Variants in SBNO1 observed in about 807,000 individuals in gnomAD.
The protein encoded by SBNO1 is strawberry notch homolog 1.
SBNO1 carries 23 observed loss-of-function variants against 173.6 expected under a neutral mutation model. The observed-to-expected ratio is 0.13, with a 90% confidence interval of 0.10 to 0.19. The LOEUF (loss-of-function observed/expected upper bound fraction) is 0.19. Among genes scored for constraint, SBNO1 ranks in the 10% least tolerant of loss-of-function variants. The pLI, the probability that SBNO1 is intolerant of heterozygous loss-of-function variation, is 1.00. For synonymous variants in SBNO1, 632 were observed against 571.5 expected (o/e 1.11, Z -1.51); for missense variants, 1,238 against 1,671.2 (o/e 0.74, Z 4.52).
At chr12:123,362,591 C>CCCCTTTCT (rs1593432747) in intron 1 of SBNO1, among the ~76,000 whole-genome samples, 1 of 150,846 alleles carries the variant, frequency 6.6e-6, no homozygotes, top group East Asian at 2.0e-4. Flanking sequence ...CATGGTGAAA[C>CCCCTTTCT]CCCTTTCTGC....
At position 123,321,675 on chromosome 12, in the gene SBNO1, C is replaced by T. The variant is rs143322432; in HGVS notation, c.2183G>A (p.Ser728Asn). The T allele has an allele frequency of 3.7e-6, 6 of 1,614,104 alleles. No individual in the cohort carries two copies. The highest frequency in any genetic ancestry group is 5.1e-6 in the Non-Finnish European group (6 of 1,179,996). The change falls in exon 17 of 32, where the codon AGC (serine) becomes AAC (asparagine). Residue 728 changes from serine to asparagine, a missense_variant. Ser to Asn is a conservative substitution (Grantham distance 46). Transcript: ENST00000602398. ...KARKVGGLTG[S>N]SSDDSGSESD... ...TTCACTTCCACTGTCGTCAGAACTG[C>T]TACCAGTAAGGCCACCTACTTTTCG...
intron 1 of SBNO1, among the ~76,000 whole-genome samples, chr12:123,359,920 T>C (rs1336257950): frequency 2.0e-5 from 3 of 152,172 alleles, no homozygotes; most frequent in African/African-American, 7.2e-5. Context: ...TATTAATTGG[T>C]ATTTAATGCT....
At chr12:123,322,711 GC>G (rs1159303554) in intron 16 of SBNO1, among the ~76,000 whole-genome samples, 1 of 149,428 alleles carries the variant, frequency 6.7e-6, no homozygotes, top group Non-Finnish European at 1.5e-5. Context: ...TTTGAGACCA[GC>G]CTGGCCAACA....
chr12:123,343,065 AAC>A (rs1872740863), intron 4 of SBNO1, among the ~76,000 whole-genome samples: 2 of 152,094 alleles, frequency 1.3e-5, no homozygotes, highest in Non-Finnish European at 2.9e-5. Flanking sequence ...AACATGGTGA[AAC>A]CCTGTCTCTA....
intron 6 of SBNO1, among the ~76,000 whole-genome samples, chr12:123,334,591 C>T (rs1047219591): frequency 6.6e-6 from 1 of 152,056 alleles, no homozygotes; most frequent in Non-Finnish European, 1.5e-5. Flanking sequence ...GCCTGTAATT[C>T]CAGCTACTCA....
At chr12:123,323,955 T>C (rs563716129) in intron 15 of SBNO1, 124 bp from the exon 16 acceptor site, 1 of 697,668 alleles carries the variant, frequency 1.4e-6, no homozygotes, top group East Asian at 3.5e-5. Flanking sequence ...CGAGCTCAAA[T>C]AAATTTTAAT....
At chr12:123,322,155 G>A (rs1870052623) in intron 16 of SBNO1, among the ~76,000 whole-genome samples, 1 of 152,128 alleles carries the variant, frequency 6.6e-6, no homozygotes. Context: ...TATTTTTGGA[G>A]ACAGGGCCTC....
At position 123,309,866 on chromosome 12, in the gene SBNO1, C is replaced by G; in HGVS notation, c.3296-10G>C. ...CCTATGTTGTTATAATCTGTAATGA[C>G]AAAAGATAAACGTTTTCATGCAAAT... On this transcript the variant is annotated splice_polypyrimidine_tract_variant and intron_variant, in intron 25 of 31. Coordinates refer to ENST00000602398, the MANE Select transcript of SBNO1 (RefSeq NM_001167856.3). The G allele has an allele frequency of 6.4e-7, 1 of 1,563,730 alleles. No individual in the cohort carries two copies. The highest frequency in any genetic ancestry group is 8.7e-7 in the Non-Finnish European group (1 of 1,154,712).
At chr12:123,311,720 C>CTATCTATCTATATATATATA (rs1224940028) in intron 24 of SBNO1, among the ~76,000 whole-genome samples, 1 of 127,432 alleles carries the variant, frequency 7.8e-6, no homozygotes, top group African/African-American at 3.2e-5. Flanking sequence ...ATCTATCTAT[C>CTATCTATCTATATATATATA]TATATATATA....
intron 15 of SBNO1, among the ~76,000 whole-genome samples, chr12:123,324,493 T>C (rs1322345609): frequency 1.1e-4 from 17 of 152,036 alleles, no homozygotes; most frequent in Admixed American, 9.8e-4. Context: ...GGCTAGTTTT[T>C]GTATTTTTAG....
At chr12:123,363,208 A>G (rs529647312) in intron 1 of SBNO1, among the ~76,000 whole-genome samples, 5 of 152,346 alleles carry the variant, frequency 3.3e-5, no homozygotes, top group Admixed American at 1.3e-4. Flanking sequence ...AATTTTGGAA[A>G]CAACTTCTTT....
chr12:123,309,462 A>T (rs1423712038), intron 27 of SBNO1, 27 bp downstream of exon 27: 1 of 1,599,842 alleles, frequency 6.3e-7, no homozygotes, highest in Middle Eastern at 1.7e-4. Context: ...TGGGAAGACG[A>T]TACTTCACAA....
intron 30 of SBNO1, among the ~76,000 whole-genome samples, chr12:123,298,446 C>T (rs912810706): frequency 1.3e-5 from 2 of 151,958 alleles, no homozygotes; most frequent in African/African-American, 4.8e-5. Context: ...TTAGTAGAGA[C>T]GGTGTTTTGC....
At position 123,292,293 on chromosome 12, in the gene SBNO1, T is replaced by A. The variant is rs1342806377; in HGVS notation, c.*3615A>T. The A allele has an allele frequency of 6.6e-6, 1 of 152,164 alleles. No individual in the cohort carries two copies. The highest frequency in any genetic ancestry group is 2.1e-4 in the South Asian group (1 of 4,836). The allele number at this position is 152,164 out of a possible 1,614,324, so 9.4% of individuals were successfully genotyped here. A position where few individuals can be genotyped will look rare whatever the true frequency, so the allele number is the denominator to read the frequency against. On this transcript the variant is annotated 3_prime_UTR_variant, in exon 32 of 32. Transcript: ENST00000602398. The stretch of plus-strand genomic sequence containing the variant: ...CACCATTCTTAGAAACTACCAAGTA[T>A]CACACAGGTACATGTGTATGGGGAC...
intron 30 of SBNO1, among the ~76,000 whole-genome samples, chr12:123,302,118 A>G (rs2138885235): frequency 6.6e-6 from 1 of 151,392 alleles, no homozygotes; most frequent in African/African-American, 2.4e-5. Context: ...TTTTTTTAGT[A>G]GAGAGGGTTT....
intron 1 of SBNO1, among the ~76,000 whole-genome samples, chr12:123,359,975 TCAAGCCTGTAATCC>T (rs1231922570): frequency 6.6e-6 from 1 of 152,158 alleles, no homozygotes; most frequent in African/African-American, 2.4e-5. Context: ...GCATGGTAGC[TCAAGCCTGTAATCC>T]CAGCAGTTTG....
chr12:123,321,761 G>A, intron 16 of SBNO1, 29 bp from the exon 17 acceptor site: 1 of 1,575,682 alleles, frequency 6.3e-7, no homozygotes, highest in Non-Finnish European at 8.7e-7. Flanking sequence ...AAGAGAGTCA[G>A]CCCAAATTCA....
In SBNO1 at chr12:123,320,452, C is replaced by T. The variant is rs1332670910; in HGVS notation, c.2647G>A (p.Gly883Ser). The change falls in exon 19 of 32, where the codon GGC becomes AGC. Residue 883 changes from glycine to serine, a missense_variant. Gly to Ser is a moderately conservative substitution (Grantham distance 56). This residue lies in a region of SBNO1 where 45 missense variants were observed against 85.5 expected (regional missense o/e 0.53). Transcript: ENST00000602398. ...TTTACCTCAGCAACGTTCTCAGGGC[C>T]ACCAAGTTCATCGATAAGTTCATCC... ...TLDELIDELG[G>S]PENVAEMTGR... 3 of 1,613,362 alleles carry T rather than the reference C, an allele frequency of 1.9e-6. No individual in the cohort carries two copies. The highest frequency in any genetic ancestry group is 1.3e-5 in the African/African-American group (1 of 74,838).
In SBNO1 at chr12:123,323,838, G is replaced by A. The variant is rs1870289175; in HGVS notation, c.1974-7C>T. ...GAGTGACTGCAACACACCTCTGTAG[G>A]AGAGAAACAGTGACAATTACTGCTT... is the stretch of plus-strand genomic sequence containing the variant. On this transcript the variant is annotated splice_region_variant and splice_polypyrimidine_tract_variant and intron_variant, in intron 15 of 31. Transcript: ENST00000602398. The A allele has an allele frequency of 6.3e-7, 1 of 1,577,682 alleles. No homozygotes were observed. The highest frequency in any genetic ancestry group is 8.6e-7 in the Non-Finnish European group (1 of 1,167,646).
Sources: gnomAD v4.1 joint callset for allele counts (sites outside exome capture counted in the v4.1 genomes callset) on GRCh38, gnomAD v4.1.1 for gene constraint, gnomAD v4.1.1 regional missense constraint, MANE v1.5 for transcripts, NCBI Gene and HGNC (gene_info 2026-07-23, HGNC 2026-07-21) for gene names.